The following ASIP variants were observed in gnomAD, a reference collection of about 807,000 sequenced individuals.
ASIP encodes the protein agouti-signaling protein.
A neutral mutation model predicts 10.3 loss-of-function variants in ASIP; 11 were observed. The observed-to-expected ratio is 1.07, with a 90% CI of 0.68 to 1.78. The LOEUF (loss-of-function observed/expected upper bound fraction) is 1.78, where lower values mean the gene tolerates loss of function less well. ASIP is among the 40% of genes most tolerant of loss of function. ASIP has a pLI of 0.00. For synonymous variants in ASIP, 70 were observed against 70.8 expected (o/e 0.99, Z 0.06); for missense variants, 180 against 169.2 (o/e 1.06, Z -0.35).
chr20:34,201,264 G>A (rs1012074153), intron 1 of ASIP, among the ~76,000 whole-genome samples: 2 of 152,056 alleles, frequency 1.3e-5, no homozygotes, highest in African/African-American at 4.8e-5. Flanking sequence ...GGACACACAA[G>A]AGTTGATAAC....
intron 1 of ASIP, among the ~76,000 whole-genome samples, chr20:34,211,689 T>TTC (rs1319553600): frequency 6.6e-6 from 1 of 152,228 alleles, no homozygotes; most frequent in Non-Finnish European, 1.5e-5. Context: ...CCCAACTTAG[T>TTC]TATTTTCTTT....
intron 2 of ASIP, 150 bp downstream of exon 2, chr20:34,260,684 T>G: frequency 1.1e-6 from 1 of 946,360 alleles, no homozygotes; most frequent in South Asian, 2.1e-5. Flanking sequence ...AGGTGGCCCT[T>G]GACTCATTTG....
upstream of ASIP, among the ~76,000 whole-genome samples, chr20:34,238,696 A>G (rs2122598760): frequency 6.6e-6 from 1 of 151,572 alleles, no homozygotes; most frequent in East Asian, 1.9e-4. Flanking sequence ...AATGTGCCAT[A>G]TTTTTTCTTT....
chr20:34,188,654 C>T, the ASIP span, among the ~76,000 whole-genome samples: 1 of 152,054 alleles, frequency 6.6e-6, no homozygotes, highest in African/African-American at 2.4e-5. Flanking sequence ...ATGACAGTAA[C>T]ATGCTATAAA....
At chr20:34,201,755 A>G (rs992752534) in intron 1 of ASIP, among the ~76,000 whole-genome samples, 2 of 152,118 alleles carry the variant, frequency 1.3e-5, no homozygotes, top group African/African-American at 2.4e-5. Context: ...ATTTGCTTTC[A>G]CTAACTGGAA....
chr20:34,215,698 T>C, intron 1 of ASIP: 1 of 1,439,572 alleles, frequency 6.9e-7, no homozygotes, highest in Non-Finnish European at 9.8e-7. Flanking sequence ...AATATTTGTA[T>C]TTAACTTGAT....
chr20:34,269,111 C>T lies in ASIP; in HGVS notation c.343C>T (p.Gln115Ter). ...CTGCTGCGACCCGTGCGCCTCCTGC[C>T]AGTGCCGCTTCTTCCGCAGCGCCTG... ...PACCDPCASC[Q>*]CRFFRSACSC... The change falls in exon 4 of 4, where the codon CAG becomes TAG. Residue 115 changes from glutamine to a stop codon, truncating the protein, a stop_gained. Coordinates refer to ENST00000374954, the MANE Select transcript of ASIP (RefSeq NM_001672.3). LOFTEE classifies it high-confidence loss of function. 1.3e-6 allele frequency: 2 copies of T among 1,565,228 alleles called. No individual in the cohort carries two copies. Among genetic ancestry groups the T allele is most frequent in the Non-Finnish European group, 8.7e-7 (1 of 1,155,422 alleles).
At chr20:34,206,923 T>C (rs1382141509) in intron 1 of ASIP, among the ~76,000 whole-genome samples, 3 of 152,220 alleles carry the variant, frequency 2.0e-5, no homozygotes, top group African/African-American at 7.2e-5. Flanking sequence ...GTTAGGTTGA[T>C]TTCATATCTT....
intron 1 of ASIP, among the ~76,000 whole-genome samples, chr20:34,245,625 A>G (rs1271343119): frequency 1.3e-5 from 2 of 151,688 alleles, no homozygotes; most frequent in Non-Finnish European, 2.9e-5. Flanking sequence ...TCCTGACCTC[A>G]TGATCCACCC....
intron 3 of ASIP, among the ~76,000 whole-genome samples, chr20:34,268,434 T>C (rs1252692604): frequency 2.0e-5 from 3 of 152,086 alleles, no homozygotes; most frequent in African/African-American, 7.2e-5. Flanking sequence ...AGAAACCACT[T>C]AGGCCGGGCG....
At chr20:34,253,070 T>G (rs867829455) in intron 1 of ASIP, among the ~76,000 whole-genome samples, 9 of 152,178 alleles carry the variant, frequency 5.9e-5, no homozygotes, top group Admixed American at 1.3e-4. Context: ...GTCTTCCTTT[T>G]CTACATAGAC....
At chr20:34,216,747 A>G (rs534992215) in intron 1 of ASIP, among the ~76,000 whole-genome samples, 42 of 152,190 alleles carry the variant, frequency 2.8e-4, no homozygotes, top group Non-Finnish European at 5.1e-4. Context: ...GTATAGATCT[A>G]TTTTTGGACT....
chr20:34,233,137 C>A (rs1013589079), intron 1 of ASIP, among the ~76,000 whole-genome samples: 45 of 137,152 alleles, frequency 3.3e-4, no homozygotes, highest in African/African-American at 1.1e-3. Context: ...GTGAATGGGA[C>A]AAGAGCTTTT....
chr20:34,217,290 T>C (rs2035015112), intron 1 of ASIP, among the ~76,000 whole-genome samples: 1 of 151,490 alleles, frequency 6.6e-6, no homozygotes, highest in Non-Finnish European at 1.5e-5. Context: ...GTACAAAAAT[T>C]AACCGGGCGT....
the ASIP span, among the ~76,000 whole-genome samples, chr20:34,186,504 G>A: frequency 6.6e-6 from 1 of 152,310 alleles, no homozygotes; most frequent in South Asian, 2.1e-4. Context: ...GGCTACCAAA[G>A]TCGCTGGTAG....
chr20:34,189,535 C>T, the ASIP span, among the ~76,000 whole-genome samples: 18 of 151,928 alleles, frequency 1.2e-4, no homozygotes, highest in Admixed American at 2.6e-4. Context: ...AGCCACCACA[C>T]CTGGCCCTGC....
chr20:34,268,815 C>G (rs2035835134), intron 3 of ASIP, among the ~76,000 whole-genome samples, 176 bp from the exon 4 acceptor site: 1 of 151,438 alleles, frequency 6.6e-6, no homozygotes, highest in Admixed American at 6.6e-5. Flanking sequence ...CCAGGTAAGT[C>G]TGGATGGGGA....
chr20:34,257,108 C>T (rs1398334308), intron 1 of ASIP, among the ~76,000 whole-genome samples: 1 of 140,668 alleles, frequency 7.1e-6, no homozygotes, highest in Non-Finnish European at 1.5e-5. Flanking sequence ...TTTTTTGAGA[C>T]AGTTTCCCTC....
At chr20:34,200,965 T>C (rs181993809) in intron 1 of ASIP, among the ~76,000 whole-genome samples, 2 of 87,728 alleles carry the variant, frequency 2.3e-5, no homozygotes, top group South Asian at 3.6e-4. Context: ...TCTTTCTTTC[T>C]TTCTTTCCTT....
Sources: allele counts gnomAD v4.1 joint callset (sites outside exome capture counted in the v4.1 genomes callset), GRCh38; gene constraint gnomAD v4.1.1; transcripts MANE v1.5; gene names NCBI Gene and HGNC (gene_info 2026-07-23, HGNC 2026-07-21).